The following FBXL17 variants were observed in gnomAD, a reference collection of about 807,000 sequenced individuals.
The protein encoded by FBXL17 is F-box and leucine rich repeat protein 17.
Under a neutral mutation model 66.2 loss-of-function variants are expected in FBXL17, and 22 were observed. The ratio of observed to expected loss-of-function variants is 0.33; its 90% CI spans 0.24 to 0.47. The LOEUF (loss-of-function observed/expected upper bound fraction) is 0.47. Among genes scored for constraint, FBXL17 ranks in the 20% least tolerant of loss-of-function variants. FBXL17 has a pLI of 1.00. For synonymous variants in FBXL17, 474 were observed against 400.5 expected, an observed-to-expected ratio of 1.18 and a Z score of -2.19; for missense variants, 878 against 948.2, an observed-to-expected ratio of 0.93 and a Z score of 0.97.
intron 7 of FBXL17, among the ~76,000 whole-genome samples, chr5:107,992,639 A>T (rs1189900760): frequency 1.3e-5 from 2 of 152,176 alleles, no homozygotes; most frequent in South Asian, 2.1e-4. Flanking sequence ...CATTTTAAAA[A>T]TTTTTTTATC....
At chr5:108,281,504 A>G (rs1298154333) in intron 4 of FBXL17, among the ~76,000 whole-genome samples, 3 of 151,992 alleles carry the variant, frequency 2.0e-5, no homozygotes, top group Non-Finnish European at 4.4e-5. Context: ...GAAATACAAT[A>G]TAACAAAACC....
chr5:108,289,481 C>G (rs1417653655), intron 4 of FBXL17, among the ~76,000 whole-genome samples: 1 of 152,048 alleles, frequency 6.6e-6, no homozygotes. Context: ...AAGAAGTGCC[C>G]TGATCTCCTC....
intron 3 of FBXL17, among the ~76,000 whole-genome samples, chr5:108,359,730 G>C (rs995638145): frequency 6.6e-6 from 1 of 152,058 alleles, no homozygotes; most frequent in Non-Finnish European, 1.5e-5. Flanking sequence ...GTCTATCTGT[G>C]AGACTGTTCC....
intron 5 of FBXL17, among the ~76,000 whole-genome samples, chr5:108,220,081 A>T (rs1197935870): frequency 2.0e-5 from 3 of 152,072 alleles, no homozygotes; most frequent in Non-Finnish European, 2.9e-5. Flanking sequence ...GTACTTTAGT[A>T]GCATCACACT....
At chr5:108,177,932 T>TATATATATACACAC (rs1242739302) in intron 6 of FBXL17, among the ~76,000 whole-genome samples, 1 of 126,888 alleles carries the variant, frequency 7.9e-6, no homozygotes, top group South Asian at 2.4e-4. Flanking sequence ...TATATATATA[T>TATATATATACACAC]ACACACACAC....
At chr5:108,246,514 T>C (rs1209275382) in intron 4 of FBXL17, among the ~76,000 whole-genome samples, 4 of 151,594 alleles carry the variant, frequency 2.6e-5, no homozygotes, top group Admixed American at 2.0e-4. Flanking sequence ...CTCAAAAAAA[T>C]AAAAAAAGGG....
At chr5:108,351,025 G>A (rs1194504735) in intron 3 of FBXL17, among the ~76,000 whole-genome samples, 1 of 152,174 alleles carries the variant, frequency 6.6e-6, no homozygotes, top group African/African-American at 2.4e-5. Flanking sequence ...CAAATCTGCT[G>A]TAGGGCAGTA....
rs1352172300 is a variant in FBXL17 at position 107,865,470 on chromosome 5, A to G, written c.1966-3610T>C. ...ATATCCTTTGATTTCCCAAAATGCA[A>G]TTTACCTATTTTGGCGGCACAAAGT... On this transcript the variant is annotated intron_variant, in intron 8 of 8. Coordinates refer to ENST00000542267, the MANE Select transcript of FBXL17 (RefSeq NM_001163315.3). Among the ~76,000 whole-genome samples, 4 of 152,150 alleles carry G rather than the reference A, an allele frequency of 2.6e-5. No homozygotes were observed. In the South Asian group the frequency reaches 8.3e-4, roughly 32 times the overall value.
intron 7 of FBXL17, among the ~76,000 whole-genome samples, chr5:107,991,979 T>C (rs1310166317): frequency 5.9e-5 from 9 of 152,162 alleles, no homozygotes; most frequent in African/African-American, 1.4e-4. Context: ...AATCAGAGTA[T>C]CAGAATTTCT....
intron 7 of FBXL17, among the ~76,000 whole-genome samples, chr5:107,895,339 C>T (rs772325119): frequency 1.4e-4 from 22 of 151,858 alleles, no homozygotes; most frequent in African/African-American, 4.8e-4. Context: ...ATTTTACCTT[C>T]GAGGCTTTAT....
At chr5:108,122,464 CA>C (rs1750541001) in intron 6 of FBXL17, among the ~76,000 whole-genome samples, 1 of 152,110 alleles carries the variant, frequency 6.6e-6, no homozygotes, top group African/African-American at 2.4e-5. Context: ...AGATAATTTA[CA>C]ATCTTTTAAT....
At chr5:108,369,570 GAATGTATTCCATGTCAAA>G (rs1265807439) in intron 1 of FBXL17, among the ~76,000 whole-genome samples, 2 of 151,830 alleles carry the variant, frequency 1.3e-5, no homozygotes, top group African/African-American at 4.8e-5. Context: ...CTATAAATCT[GAATGTATTCCATGTCAAA>G]ACACCATATA....
chr5:107,891,622 GAAA>G (rs1200169656), intron 7 of FBXL17, among the ~76,000 whole-genome samples: 1 of 152,006 alleles, frequency 6.6e-6, no homozygotes, highest in Non-Finnish European at 1.5e-5. Context: ...TGTGGAGTGA[GAAA>G]AAGAGGACTC....
intron 4 of FBXL17, among the ~76,000 whole-genome samples, chr5:108,313,810 T>C (rs985124275): frequency 4.6e-5 from 7 of 151,938 alleles, no homozygotes; most frequent in African/African-American, 1.2e-4. Context: ...TCCCAAAGCA[T>C]ATCTAAAAAA....
chr5:108,248,331 T>C (rs1473648444), intron 4 of FBXL17, among the ~76,000 whole-genome samples: 1 of 152,116 alleles, frequency 6.6e-6, no homozygotes, highest in Admixed American at 6.6e-5. Flanking sequence ...AGTCATTGGA[T>C]GATCTCAACA....
At chr5:108,324,015 A>G (rs1580816684) in intron 4 of FBXL17, among the ~76,000 whole-genome samples, 1 of 152,216 alleles carries the variant, frequency 6.6e-6, no homozygotes, top group Middle Eastern at 3.4e-3. Flanking sequence ...AAGCTTTACA[A>G]CGTTGAATTT....
chr5:108,330,932 A>C (rs989463454), intron 4 of FBXL17, among the ~76,000 whole-genome samples: 2 of 152,168 alleles, frequency 1.3e-5, no homozygotes, highest in Admixed American at 1.3e-4. Context: ...GGGCACCTGT[A>C]GTCCCAGCTA....
intron 3 of FBXL17, among the ~76,000 whole-genome samples, chr5:108,349,859 C>G (rs1274291309): frequency 6.6e-6 from 1 of 152,120 alleles, no homozygotes; most frequent in Non-Finnish European, 1.5e-5. Context: ...AGTGCATGTT[C>G]ATTTTTTATG....
chr5:108,255,213 G>A (rs966594434), intron 4 of FBXL17, among the ~76,000 whole-genome samples: 1 of 152,024 alleles, frequency 6.6e-6, no homozygotes, highest in African/African-American at 2.4e-5. Flanking sequence ...CATAATCATA[G>A]CAGAATATAA....
Sources: allele counts gnomAD v4.1 joint callset (sites outside exome capture counted in the v4.1 genomes callset), GRCh38; gene constraint gnomAD v4.1.1; transcripts MANE v1.5; gene names NCBI Gene and HGNC (gene_info 2026-07-23, HGNC 2026-07-21).